The following RARB variants were observed in gnomAD, a reference collection of about 807,000 sequenced individuals.
The protein encoded by RARB is retinoic acid receptor beta, also known as HBV-activated protein.
A neutral mutation model predicts 51.9 loss-of-function variants in RARB; 17 were observed. The observed-to-expected ratio is 0.33, with a 90% CI of 0.22 to 0.49. The LOEUF (loss-of-function observed/expected upper bound fraction) is 0.49. RARB is among the 20% of genes least tolerant of loss of function. The pLI, the probability that RARB is intolerant of heterozygous loss-of-function variation, is 0.99. For missense variants in RARB, 369 were observed against 550.8 expected (o/e 0.67, Z 3.30); for synonymous variants, 215 against 195.4 (o/e 1.10, Z -0.84).
At chr3:25,085,193 G>GC (rs1699083143) in intron 3 of RARB, among the ~76,000 whole-genome samples, 1 of 152,148 alleles carries the variant, frequency 6.6e-6, no homozygotes, top group South Asian at 2.1e-4. Flanking sequence ...TCTTTGGCAA[G>GC]CAATAGTGTC....
intron 4 of RARB, among the ~76,000 whole-genome samples, chr3:25,170,787 CAT>C (rs1700631364): frequency 1.3e-5 from 2 of 151,816 alleles, no homozygotes; most frequent in South Asian, 4.2e-4. Context: ...AAATTATATA[CAT>C]ATGTGTGGAG....
chr3:24,990,608 C>A (rs1446773942), intron 2 of RARB, among the ~76,000 whole-genome samples: 1 of 107,740 alleles, frequency 9.3e-6, no homozygotes, highest in Non-Finnish European at 1.9e-5. Context: ...TAGTTTTATT[C>A]TGCAACCTAC....
intron 5 of RARB, among the ~76,000 whole-genome samples, chr3:25,385,880 A>G (rs1039040795): frequency 1.3e-5 from 2 of 151,874 alleles, no homozygotes; most frequent in African/African-American, 4.8e-5. Flanking sequence ...AGCAATCAGA[A>G]CTCTCACAGA....
At chr3:25,126,062 A>G (rs890560584) in intron 3 of RARB, among the ~76,000 whole-genome samples, 1 of 152,184 alleles carries the variant, frequency 6.6e-6, no homozygotes, top group Non-Finnish European at 1.5e-5. Flanking sequence ...TTGAAAATGT[A>G]GTTGAGTACA....
chr3:24,926,543 T>C (rs965862034), intron 2 of RARB, among the ~76,000 whole-genome samples: 1 of 152,066 alleles, frequency 6.6e-6, no homozygotes, highest in Admixed American at 6.6e-5. Context: ...CAGGACTTGA[T>C]GACTTATGCT....
At chr3:24,947,807 G>A (rs1248902043) in intron 2 of RARB, among the ~76,000 whole-genome samples, 1 of 152,100 alleles carries the variant, frequency 6.6e-6, no homozygotes, top group Non-Finnish European at 1.5e-5. Flanking sequence ...TCTCAACACT[G>A]CCATTTAGTA....
At chr3:25,094,710 C>G (rs1244201230) in intron 3 of RARB, among the ~76,000 whole-genome samples, 6 of 74,480 alleles carry the variant, frequency 8.1e-5, no homozygotes, top group African/African-American at 2.7e-4. Flanking sequence ...GAGTGAGACC[C>G]CATCTCAAAA....
chr3:24,914,894 A>G (rs1695073316), intron 2 of RARB, among the ~76,000 whole-genome samples: 1 of 152,192 alleles, frequency 6.6e-6, no homozygotes, highest in African/African-American at 2.4e-5. Context: ...TGCACTATAA[A>G]TGTACCTCAC....
chr3:25,463,797 T>G (rs747394240), intron 2 of RARB, among the ~76,000 whole-genome samples: 1 of 152,220 alleles, frequency 6.6e-6, no homozygotes, highest in Non-Finnish European at 1.5e-5. Context: ...AAGGCCAGTT[T>G]TGGGAAATTC....
Position 25,104,369 on chromosome 3 carries a change from A to T in RARB, c.-327-27792A>T, listed in dbSNP as rs190343333. ...CCCATTTATTCCATTCCTAGGTATAAATAGGCACTTTGGAAGGCCGGGGAT... is the reference window on the plus strand; with the variant it reads ...CCCATTTATTCCATTCCTAGGTATATATAGGCACTTTGGAAGGCCGGGGAT... On this transcript the variant is annotated intron_variant, in intron 3 of 11. Transcript: ENST00000383772. Among the ~76,000 whole-genome samples, 8 of 152,250 alleles carry T rather than the reference A, an allele frequency of 5.3e-5. No homozygotes were observed. The East Asian group carries it at 1.5e-3, about 29-fold the overall frequency.
intron 5 of RARB, among the ~76,000 whole-genome samples, chr3:25,299,089 G>A (rs1171644715): frequency 6.6e-6 from 1 of 152,144 alleles, no homozygotes; most frequent in Non-Finnish European, 1.5e-5. Flanking sequence ...ATTAGCCCAG[G>A]TTTACATAAT....
intron 4 of RARB, among the ~76,000 whole-genome samples, chr3:25,577,473 G>C (rs1056164880): frequency 1.4e-4 from 22 of 152,210 alleles, no homozygotes; most frequent in African/African-American, 5.3e-4. Flanking sequence ...CAGTCTCCAG[G>C]ATGGTGGAAG....
chr3:25,455,763 C>G (rs1052334456), intron 1 of RARB, among the ~76,000 whole-genome samples: 1 of 152,156 alleles, frequency 6.6e-6, no homozygotes, highest in Non-Finnish European at 1.5e-5. Flanking sequence ...CATTCCCTGA[C>G]GAAGCAGGGA....
At chr3:24,832,650 T>TATATATATATATATATATATATAA in intron 1 of RARB, among the ~76,000 whole-genome samples, 1 of 138,974 alleles carries the variant, frequency 7.2e-6, no homozygotes, top group South Asian at 2.3e-4. Context: ...TATATATATA[T>TATATATATATATATATATATATAA]AATGTCAATT....
chr3:25,410,053 T>G (rs1009119763), intron 5 of RARB, among the ~76,000 whole-genome samples: 1 of 152,250 alleles, frequency 6.6e-6, no homozygotes, highest in East Asian at 1.9e-4. Context: ...CTTGTTTTCA[T>G]TCATTGTCTT....
At chr3:25,085,778 T>C (rs1699093819) in intron 3 of RARB, among the ~76,000 whole-genome samples, 1 of 152,150 alleles carries the variant, frequency 6.6e-6, no homozygotes, top group Non-Finnish European at 1.5e-5. Context: ...AGTTCCATGA[T>C]CTTTATTTTG....
At chr3:25,072,673 G>A (rs1385268637) in intron 3 of RARB, among the ~76,000 whole-genome samples, 1 of 152,004 alleles carries the variant, frequency 6.6e-6, no homozygotes, top group Non-Finnish European at 1.5e-5. Context: ...CTTAGAAATG[G>A]CTTCTATCTA....
rs193189402 is a variant in RARB at position 25,272,765 on chromosome 3, A to G, written c.178+98190A>G. ...GTCCCTGGGTCAGCCACAAGTATCA[A>G]GTCACATAAGAGGACTGAACAGTGA... On this transcript the variant is annotated intron_variant, in intron 5 of 11. Transcript: ENST00000383772. Among the ~76,000 whole-genome samples, 288 of 152,324 alleles carry G rather than the reference A, an allele frequency of 1.9e-3. 1 individual carries two copies. Among genetic ancestry groups the G allele is most frequent in the African/African-American group, 6.7e-3 (280 of 41,582 alleles).
chr3:25,267,182 C>G lies in RARB; in HGVS notation c.178+92607C>G, dbSNP rs183277115. 3.2e-4 allele frequency among the ~76,000 whole-genome samples: 48 copies of G among 152,334 alleles called. No homozygotes were observed. In the East Asian group the frequency reaches 7.5e-3, roughly 24 times the overall value. On this transcript the variant is annotated intron_variant, in intron 5 of 11. Transcript: ENST00000383772. The stretch of plus-strand genomic sequence containing the variant: ...GTTCTACAGGGAGATATTCTGAAGA[C>G]AGAAGACTAAGTGGACTTTGCTTCT...
Sources: gnomAD v4.1 joint callset for allele counts (sites outside exome capture counted in the v4.1 genomes callset) on GRCh38, gnomAD v4.1.1 for gene constraint, MANE v1.5 for transcripts, NCBI Gene and HGNC (gene_info 2026-07-23, HGNC 2026-07-21) for gene names.